NDUFS1: variants seen among roughly 807,000 people sequenced by gnomAD.
The protein encoded by NDUFS1 is NADH:ubiquinone oxidoreductase core subunit S1.
NDUFS1 carries 61 observed loss-of-function variants against 84.4 expected under a neutral mutation model. The ratio of observed to expected loss-of-function variants is 0.72; its 90% CI spans 0.59 to 0.89. NDUFS1 has a LOEUF of 0.89. Ranked by LOEUF, NDUFS1 falls within the 40% of genes least tolerant of loss-of-function variation. NDUFS1 has a pLI of 0.00. For missense variants in NDUFS1, 891 were observed against 890.0 expected, an observed-to-expected ratio of 1.00 and a Z score of -0.01; for synonymous variants, 275 against 290.0, an observed-to-expected ratio of 0.95 and a Z score of 0.53.
At chr2:206,129,886 C>G (rs1691438114) in intron 15 of NDUFS1, among the ~76,000 whole-genome samples, 1 of 152,008 alleles carries the variant, frequency 6.6e-6, no homozygotes, top group African/African-American at 2.4e-5. Context: ...GCCACCGCAC[C>G]CGGCAGGTAA....
At chr2:206,136,196 C>T (rs1575962960) in intron 13 of NDUFS1, among the ~76,000 whole-genome samples, 1 of 151,200 alleles carries the variant, frequency 6.6e-6, no homozygotes, top group East Asian at 1.9e-4. Context: ...GATTACAGGC[C>T]ACTACAACCG....
intron 3 of NDUFS1, 80 bp from the exon 4 acceptor site, chr2:206,150,005 C>T (rs1403131341): frequency 3.9e-5 from 34 of 873,066 alleles, no homozygotes; most frequent in Middle Eastern, 4.8e-4. Flanking sequence ...GAAACACACA[C>T]ATACAGCATC....
At position 206,117,436 on chromosome 2, in the gene NDUFS1, ATT is replaced by A. The variant is rs1326288039; in HGVS notation, c.*6747_*6748del. On this transcript the variant is annotated 3_prime_UTR_variant, in exon 19 of 19. Coordinates refer to ENST00000233190, the MANE Select transcript of NDUFS1 (RefSeq NM_005006.7). The stretch of plus-strand genomic sequence containing the variant: ...CACACAGTAGATACTCTGCAAAAAA[ATT>A]TTGTTTTTCTTTTTGAGATGGGGTC... 2 of 152,114 alleles carry A rather than the reference ATT, an allele frequency of 1.3e-5. No individual in the cohort carries two copies. The highest frequency in any genetic ancestry group is 2.4e-5 in the African/African-American group (1 of 41,432). The allele number at this position is 152,114 out of a possible 1,614,324, so 9.4% of individuals were successfully genotyped here. A position where few individuals can be genotyped will look rare whatever the true frequency, so the allele number is the denominator to read the frequency against.
At chr2:206,137,348 C>A (rs1691758179) in intron 13 of NDUFS1, among the ~76,000 whole-genome samples, 2 of 152,046 alleles carry the variant, frequency 1.3e-5, no homozygotes, top group Non-Finnish European at 2.9e-5. Context: ...GTGGTGCGTG[C>A]CTGTAGTCCC....
intron 15 of NDUFS1, 136 bp from the exon 16 acceptor site, chr2:206,128,108 G>A: frequency 1.1e-6 from 1 of 904,198 alleles, no homozygotes; most frequent in Non-Finnish European, 1.7e-6. Flanking sequence ...TGAAACAGTA[G>A]TGAAGTAATA....
At position 206,149,017 on chromosome 2, in the gene NDUFS1, T is replaced by C. The variant is rs756401967; in HGVS notation, c.338+3A>G. 2.6e-5 allele frequency: 42 copies of C among 1,601,574 alleles called. No homozygotes were observed. Among genetic ancestry groups the C allele is most frequent in the Non-Finnish European group, 3.4e-5 (40 of 1,168,982 alleles). On this transcript the variant is annotated splice_donor_region_variant and intron_variant, in intron 5 of 18. Transcript: ENST00000233190. ...GGTACTACATTGAATAACAATAAAG[T>C]ACCTGGCTTTTTTGGATTTTTCTGA... is the stretch of plus-strand genomic sequence containing the variant.
At chr2:206,130,364 T>G (rs965739792) in intron 14 of NDUFS1, 122 bp from the exon 15 acceptor site, 3 of 1,298,236 alleles carry the variant, frequency 2.3e-6, no homozygotes, top group South Asian at 1.3e-5. Flanking sequence ...TTATTTTATT[T>G]TTTTCTCGGC....
intron 16 of NDUFS1, chr2:206,127,588 C>G: frequency 1.8e-6 from 1 of 566,968 alleles, no homozygotes; most frequent in Non-Finnish European, 3.1e-6. Context: ...GGGTCTTGCT[C>G]TGTCCCTCAG....
At position 206,116,105 on chromosome 2, in the gene NDUFS1, C is replaced by A; in HGVS notation, c.*8080G>T. The A allele has an allele frequency of 2.3e-6, 3 of 1,313,960 alleles. No individual in the cohort carries two copies. The highest frequency in any genetic ancestry group is 3.3e-6 in the Non-Finnish European group (3 of 907,658). 81.4% of individuals were successfully genotyped at this position (1,313,960 alleles called of 1,614,324 possible). ...TTCATACTAGCTTATTTAGTGGTTC[C>A]ATTTTCACTCCTCAATAGATTTTAT... On this transcript the variant is annotated 3_prime_UTR_variant, in exon 19 of 19. Coordinates refer to ENST00000233190, the MANE Select transcript of NDUFS1 (RefSeq NM_005006.7).
rs749269409 is a variant in NDUFS1, at chr2:206,124,178, A to G, written c.*7T>C. The G allele has an allele frequency of 6.3e-7, 1 of 1,584,916 alleles. No individual in the cohort carries two copies. The highest frequency in any genetic ancestry group is 1.7e-5 in the Admixed American group (1 of 59,968). ...TCTGCGGCAAAACTGGGATCCTAGT[A>G]GAAGCTTCAGCATATGGATGGTTCC... On this transcript the variant is annotated 3_prime_UTR_variant, in exon 19 of 19. Transcript: ENST00000233190.
intron 12 of NDUFS1, 150 bp downstream of exon 12, chr2:206,141,791 G>A (rs1691970406): frequency 8.1e-6 from 5 of 621,012 alleles, no homozygotes; most frequent in African/African-American, 6.2e-5. Flanking sequence ...GTGAGACTCC[G>A]TCCCACCAAA....
Position 206,147,894 on chromosome 2 carries a change from G to T in NDUFS1, c.339-60C>A, listed in dbSNP as rs1692221271. ...AAATACACACACACTGACATTAACT[G>T]CTGGCACTCAAAATGACCTATAGAC... On this transcript the variant is annotated intron_variant, in intron 5 of 18. Transcript: ENST00000233190. 2.1e-6 allele frequency: 3 copies of T among 1,445,502 alleles called. No homozygotes were observed. The African/African-American group carries it at 4.2e-5, about 20-fold the overall frequency. 89.5% of individuals were successfully genotyped at this position (1,445,502 alleles called of 1,614,324 possible).
chr2:206,151,396 T>C (rs574045835), intron 3 of NDUFS1, among the ~76,000 whole-genome samples: 167 of 152,362 alleles, frequency 1.1e-3, no homozygotes, highest in Non-Finnish European at 1.9e-3. Context: ...CATGTCGTTC[T>C]TGTTCACAAT....
chr2:206,131,316 AAAG>A (rs1691503597), intron 14 of NDUFS1, among the ~76,000 whole-genome samples: 1 of 152,234 alleles, frequency 6.6e-6, no homozygotes, highest in Admixed American at 6.5e-5. Flanking sequence ...TACATGTTAA[AAAG>A]AAGAAAATGG....
At position 206,126,560 on chromosome 2, in the gene NDUFS1, T is replaced by C. The variant is rs1127600; in HGVS notation, c.2071A>G (p.Ile691Val). ...ADPLVPPQLT[I>V]KDFYMTDSIS... ...ATACCTGTCATGTAGAAGTCTTTTA[T>C]AGTTAGCTGAGGTGGAACAAGTGGG... The change falls in exon 18 of 19, where the codon ATA (isoleucine) becomes GTA (valine). Residue 691 changes from isoleucine (I) to valine (V), a missense_variant. Coordinates refer to ENST00000233190, the MANE Select transcript of NDUFS1 (RefSeq NM_005006.7). 225 of 1,614,182 alleles carry C rather than the reference T, an allele frequency of 1.4e-4. No homozygotes were observed. Among genetic ancestry groups the C allele is most frequent in the Non-Finnish European group, 1.8e-4 (207 of 1,180,030 alleles).
intron 7 of NDUFS1, 63 bp from the exon 8 acceptor site, chr2:206,147,151 A>G (rs544570205): frequency 2.0e-6 from 3 of 1,491,202 alleles, no homozygotes; most frequent in African/African-American, 1.4e-5. Context: ...TTTCTTATTC[A>G]TGATCACAAA....
chr2:206,145,145 T>C, intron 8 of NDUFS1, 119 bp from the exon 9 acceptor site: 1 of 1,048,664 alleles, frequency 9.5e-7, no homozygotes, highest in Non-Finnish European at 1.4e-6. Context: ...CTTTAAAAAA[T>C]GAAGCTTAGA....
chr2:206,117,854 C>T lies in NDUFS1; in HGVS notation c.*6331G>A, dbSNP rs1026063426. 1 of 152,124 alleles carries T rather than the reference C, an allele frequency of 6.6e-6. No homozygotes were observed. The allele number at this position is 152,124 out of a possible 1,614,324, so 9.4% of individuals were successfully genotyped here. On this transcript the variant is annotated 3_prime_UTR_variant, in exon 19 of 19. Transcript: ENST00000233190. ...ACAATTATAAAATGCAGGTATAATA[C>T]TAAAATTTTTTTTTGTATAGTCCTT... is the stretch of plus-strand genomic sequence containing the variant.
intron 8 of NDUFS1, among the ~76,000 whole-genome samples, chr2:206,146,664 C>T (rs1692164308): frequency 6.6e-6 from 1 of 152,092 alleles, no homozygotes; most frequent in Non-Finnish European, 1.5e-5. Flanking sequence ...TGGAAGAACA[C>T]ATGAAAAAAA....
Sources: gnomAD v4.1 joint callset for allele counts (sites outside exome capture counted in the v4.1 genomes callset) on GRCh38, gnomAD v4.1.1 for gene constraint, MANE v1.5 for transcripts, NCBI Gene and HGNC (gene_info 2026-07-23, HGNC 2026-07-21) for gene names.